The following CLASP2 variants were observed in gnomAD, a reference collection of about 807,000 sequenced individuals.
CLASP2 encodes the protein cytoplasmic linker associated protein 2.
In CLASP2, 47 loss-of-function variants were observed where a neutral mutation model predicts 194.4. The observed-to-expected ratio is 0.24, with a 90% CI of 0.19 to 0.31. The LOEUF (loss-of-function observed/expected upper bound fraction) is 0.31, where lower values mean the gene tolerates loss of function less well. Among genes scored for constraint, CLASP2 ranks in the 10% least tolerant of loss-of-function variants. The probability of loss-of-function intolerance (pLI) is 1.00; values close to 1 mark genes in which losing one functional copy is unlikely to be tolerated. For synonymous variants in CLASP2, 619 were observed against 633.5 expected, an observed-to-expected ratio of 0.98 and a Z score of 0.34; for missense variants, 1,445 against 1,823.6, an observed-to-expected ratio of 0.79 and a Z score of 3.78.
At chr3:33,677,968 A>G (rs1166054366) in intron 6 of CLASP2, among the ~76,000 whole-genome samples, 1 of 151,220 alleles carries the variant, frequency 6.6e-6, no homozygotes, top group East Asian at 1.9e-4. Context: ...AAACTTAATA[A>G]AATTAAAGAA....
chr3:33,664,723 GGGTTGAACAGACACCAAGCA>G (rs1057209838), intron 6 of CLASP2, among the ~76,000 whole-genome samples: 1 of 152,142 alleles, frequency 6.6e-6, no homozygotes, highest in African/African-American at 2.4e-5. Context: ...ATATTCTGGA[GGGTTGAACAGACACCAAGCA>G]GGTTGCCCAG....
chr3:33,626,776 T>C lies in CLASP2; in HGVS notation c.1035+212A>G, dbSNP rs574436470. Among the ~76,000 whole-genome samples, 125 of 145,366 alleles carry C rather than the reference T, an allele frequency of 8.6e-4. 1 individual carries two copies. Among genetic ancestry groups the C allele is most frequent in the African/African-American group, 3.3e-3 (117 of 35,130 alleles). ...TGGTGAGGCTACCAAATGTGTAGGATAGGCACCACCTGATCAGCCAAACCA... is the reference window on the plus strand; with the variant it reads ...TGGTGAGGCTACCAAATGTGTAGGACAGGCACCACCTGATCAGCCAAACCA... On this transcript the variant is annotated intron_variant, in intron 10 of 38. Coordinates refer to ENST00000682230, the MANE Select transcript of CLASP2 (RefSeq NM_001365631.1).
intron 32 of CLASP2, 68 bp downstream of exon 32, chr3:33,543,365 T>C (rs1245073079): frequency 9.0e-7 from 1 of 1,105,792 alleles, no homozygotes; most frequent in Non-Finnish European, 1.4e-6. Context: ...AGAGCAAGAC[T>C]CTGTCTCAAA....
At chr3:33,673,940 A>T (rs1055011643) in intron 6 of CLASP2, among the ~76,000 whole-genome samples, 17 of 151,332 alleles carry the variant, frequency 1.1e-4, no homozygotes, top group African/African-American at 4.2e-4. Context: ...CAGATTCATA[A>T]AGAAAGTCCT....
chr3:33,506,377 CGAAAAAAAAAAAAAAA>C (rs1329446845), intron 37 of CLASP2, among the ~76,000 whole-genome samples: 3 of 61,890 alleles, frequency 4.8e-5, no homozygotes, highest in African/African-American at 1.7e-4. Flanking sequence ...GACTCTGTCT[CGAAAAAAAAAAAAAAA>C]AAAAAAAAAA....
chr3:33,543,675 T>C (rs2058723299), intron 31 of CLASP2, 136 bp from the exon 32 acceptor site: 4 of 579,882 alleles, frequency 6.9e-6, no homozygotes, highest in Non-Finnish European at 1.2e-5. Flanking sequence ...TAAATATTCA[T>C]GTACTTACGT....
At chr3:33,648,033 CAAA>C (rs34242586) in intron 7 of CLASP2, among the ~76,000 whole-genome samples, 1 of 119,596 alleles carries the variant, frequency 8.4e-6, no homozygotes. Context: ...ATTCCGTCTG[CAAA>C]AAAAAAAAGA....
At chr3:33,649,985 T>C (rs1365346297) in intron 7 of CLASP2, among the ~76,000 whole-genome samples, 2 of 151,862 alleles carry the variant, frequency 1.3e-5, no homozygotes, top group Non-Finnish European at 2.9e-5. Context: ...ACAAATAATT[T>C]CCCAAAAGGC....
intron 6 of CLASP2, among the ~76,000 whole-genome samples, chr3:33,664,248 A>C (rs1234426504): frequency 6.6e-6 from 1 of 152,200 alleles, no homozygotes; most frequent in Non-Finnish European, 1.5e-5. Context: ...AATTTTCTTC[A>C]GAGTGAAATG....
At position 33,663,975 on chromosome 3, in the gene CLASP2, T is replaced by C. The variant is rs76602755; in HGVS notation, c.645-460A>G. Among the ~76,000 whole-genome samples the C allele has an allele frequency of 8.5e-5, 13 of 152,292 alleles. No homozygotes were observed. The East Asian group carries it at 2.3e-3, about 27-fold the overall frequency. On this transcript the variant is annotated intron_variant, in intron 6 of 38. Transcript: ENST00000682230. ...ATGGCTAATATCACTGATAATCTGA[T>C]GCTATCCCTGTTTCACACGACTGTT...
intron 13 of CLASP2, among the ~76,000 whole-genome samples, chr3:33,611,070 C>A (rs1189286167): frequency 1.3e-5 from 2 of 152,106 alleles, no homozygotes; most frequent in Non-Finnish European, 2.9e-5. Flanking sequence ...ATACACTTGA[C>A]AAATGGAGCT....
At chr3:33,640,917 G>A (rs542738958) in intron 8 of CLASP2, among the ~76,000 whole-genome samples, 5 of 152,064 alleles carry the variant, frequency 3.3e-5, no homozygotes, top group African/African-American at 9.6e-5. Context: ...TATGGATGCC[G>A]AAAATTAGTG....
chr3:33,569,578 T>C (rs2063378044), intron 26 of CLASP2, among the ~76,000 whole-genome samples: 1 of 152,222 alleles, frequency 6.6e-6, no homozygotes, highest in South Asian at 2.1e-4. Flanking sequence ...TAATCAGTGA[T>C]AGCAATATCT....
chr3:33,516,438 T>C (rs950224896), intron 35 of CLASP2, among the ~76,000 whole-genome samples: 2 of 152,016 alleles, frequency 1.3e-5, no homozygotes, highest in African/African-American at 4.8e-5. Context: ...AAGGCTGAGG[T>C]GGGTGGATCA....
At chr3:33,601,334 T>C (rs1365366520) in intron 18 of CLASP2, among the ~76,000 whole-genome samples, 2 of 152,186 alleles carry the variant, frequency 1.3e-5, no homozygotes, top group African/African-American at 2.4e-5. Context: ...TACAGGTCTA[T>C]CAATTTGTAT....
intron 37 of CLASP2, among the ~76,000 whole-genome samples, chr3:33,509,948 AATT>A (rs1478412688): frequency 6.6e-6 from 1 of 152,218 alleles, no homozygotes; most frequent in Non-Finnish European, 1.5e-5. Context: ...ATTACAAGGA[AATT>A]ATTACAATAT....
intron 6 of CLASP2, among the ~76,000 whole-genome samples, chr3:33,678,214 A>G (rs184637862): frequency 2.0e-5 from 3 of 152,288 alleles, no homozygotes; most frequent in South Asian, 2.1e-4. Flanking sequence ...TGAAACAATA[A>G]TCATGGAGAA....
chr3:33,535,474 A>G lies in CLASP2; in HGVS notation c.3559-13T>C. ...GACCACCACACATCTATCAATGGGA[A>G]GTGAAAGCCACAGCAAATTAACTCA... On this transcript the variant is annotated splice_polypyrimidine_tract_variant and intron_variant, in intron 33 of 38. Coordinates refer to ENST00000682230, the MANE Select transcript of CLASP2 (RefSeq NM_001365631.1). The G allele has an allele frequency of 1.3e-6, 2 of 1,591,134 alleles. No homozygotes were observed. Among genetic ancestry groups the G allele is most frequent in the Non-Finnish European group, 1.7e-6 (2 of 1,161,324 alleles).
At chr3:33,509,535 A>G (rs2049192187) in intron 37 of CLASP2, among the ~76,000 whole-genome samples, 3 of 152,210 alleles carry the variant, frequency 2.0e-5, no homozygotes, top group African/African-American at 7.2e-5. Context: ...TGTTCTTAGT[A>G]CTAAGGCATA....
Sources: allele counts gnomAD v4.1 joint callset (sites outside exome capture counted in the v4.1 genomes callset), GRCh38; gene constraint gnomAD v4.1.1; transcripts MANE v1.5; gene names NCBI Gene and HGNC (gene_info 2026-07-23, HGNC 2026-07-21).